Variants in ITGB2 observed in about 807,000 individuals in gnomAD.
ITGB2 encodes integrin subunit beta 2.
ITGB2 carries 56 observed loss-of-function variants against 86.8 expected under a neutral mutation model. The observed-to-expected ratio is 0.65, with a 90% CI of 0.52 to 0.81. ITGB2 has a LOEUF of 0.81. Ranked by LOEUF, ITGB2 falls within the 30% of genes least tolerant of loss-of-function variation. The pLI is 0.00. For synonymous variants in ITGB2, 457 were observed against 450.4 expected (o/e 1.01, Z -0.19); for missense variants, 948 against 1,061.2 (o/e 0.89, Z 1.48).
intron 4 of ITGB2, among the ~76,000 whole-genome samples, chr21:44,904,456 C>T (rs935113916): frequency 3.3e-5 from 5 of 151,800 alleles, no homozygotes; most frequent in African/African-American, 7.3e-5. Context: ...CACATATACA[C>T]GCACATGGCA....
chr21:44,913,851 GCT>G (rs1336691230), intron 1 of ITGB2, among the ~76,000 whole-genome samples: 1 of 152,206 alleles, frequency 6.6e-6, no homozygotes, highest in Non-Finnish European at 1.5e-5. Flanking sequence ...GCCTGTGCCA[GCT>G]CCCTGGGGGA....
chr21:44,886,928 C>T (rs1358932544), intron 14 of ITGB2, 26 bp from the exon 15 acceptor site: 7 of 1,609,756 alleles, frequency 4.3e-6, no homozygotes, highest in Non-Finnish European at 4.2e-6. Context: ...CACACCTGAG[C>T]GTCAGTCCAG....
At chr21:44,886,639 G>A in intron 15 of ITGB2, 97 bp downstream of exon 15, 1 of 1,551,712 alleles carries the variant, frequency 6.4e-7, no homozygotes, top group East Asian at 2.2e-5. Context: ...CCGGGGTGCA[G>A]CCACACACGG....
At chr21:44,921,258 G>A (rs1318901113), upstream of ITGB2, 3 of 152,280 alleles carry the variant, frequency 2.0e-5, no homozygotes, top group African/African-American at 7.2e-5. Context: ...AGAGCGGAAT[G>A]AAAAACCCTG....
intron 9 of ITGB2, chr21:44,894,101 G>A (rs1489043042): frequency 4.5e-6 from 1 of 219,968 alleles, no homozygotes; most frequent in African/African-American, 2.3e-5. Flanking sequence ...TCGGGTGAAT[G>A]GCCAGGGCAG....
At position 44,890,177 on chromosome 21, in the gene ITGB2, C is replaced by T. The variant is rs1295533928; in HGVS notation, c.1458G>A (p.Gln486=). Reference sequence around the variant, plus strand: ...CTTCCAGCTCCTGGCTGCTCCGGCCCTGTGTCTGGCACTCACAGTTTTTCC... The same window carrying T: ...CTTCCAGCTCCTGGCTGCTCCGGCCTTGTGTCTGGCACTCACAGTTTTTCC... ...YIGKNCECQT[Q]GRSSQELEGS... is the part of the protein sequence containing the mutation. The change falls in exon 12 of 16, where the codon CAG becomes CAA. Residue 486 remains glutamine (Q), a synonymous_variant. Transcript: ENST00000652462. 6 of 1,613,330 alleles carry T rather than the reference C, an allele frequency of 3.7e-6. No homozygotes were observed. The highest frequency in any genetic ancestry group is 4.2e-6 in the Non-Finnish European group (5 of 1,180,022).
chr21:44,892,640 A>G (rs1341869045), intron 10 of ITGB2, among the ~76,000 whole-genome samples: 1 of 150,210 alleles, frequency 6.7e-6, no homozygotes, highest in African/African-American at 2.4e-5. Flanking sequence ...CACAGGCAAC[A>G]TTTACCAAGA....
intron 11 of ITGB2, among the ~76,000 whole-genome samples, chr21:44,890,699 G>A (rs1361910845): frequency 2.0e-5 from 3 of 152,188 alleles, no homozygotes; most frequent in Non-Finnish European, 2.9e-5. Context: ...GTGGAAGCTG[G>A]CATCAAGCCG....
rs180882613 is a variant in ITGB2 at position 44,901,382 on chromosome 21, G to T, written c.741+110C>A. ...CTGCTCTCCCCAGGCCCAGGCTGGA[G>T]TCCCTCAGACGACCTGCCGGCCAGG... On this transcript the variant is annotated intron_variant, in intron 6 of 15. Coordinates refer to ENST00000652462, the MANE Select transcript of ITGB2 (RefSeq NM_000211.5). 2.6e-3 allele frequency: 3,604 copies of T among 1,379,806 alleles called. 13 individuals are homozygous for T. Among genetic ancestry groups the T allele is most frequent in the Middle Eastern group, 0.013 (52 of 4,038 alleles). 85.5% of individuals were successfully genotyped at this position (1,379,806 alleles called of 1,614,324 possible).
chr21:44,886,970 C>T (rs1275723839), intron 14 of ITGB2, 68 bp from the exon 15 acceptor site: 8 of 1,583,278 alleles, frequency 5.1e-6, no homozygotes, highest in Non-Finnish European at 5.2e-6. Context: ...GCCCACAGGT[C>T]CGAGGTCACC....
chr21:44,893,097 A>C (rs1046869435), intron 10 of ITGB2: 11 of 365,646 alleles, frequency 3.0e-5, no homozygotes, highest in African/African-American at 1.5e-4. Flanking sequence ...CTCACTGAGA[A>C]GCACCCTCTC....
In ITGB2 at chr21:44,896,462, T is replaced by C. The variant is rs371713281; in HGVS notation, c.994-1402A>G. ...GCTTCTTTCATGGAAGATTGCGGCA[T>C]CATTTCACCTTCCAGGAACACGGAG... On this transcript the variant is annotated intron_variant, in intron 8 of 15. Coordinates refer to ENST00000652462, the MANE Select transcript of ITGB2 (RefSeq NM_000211.5). Among the ~76,000 whole-genome samples, 106 of 152,336 alleles carry C rather than the reference T, an allele frequency of 7.0e-4. No homozygotes were observed. The South Asian group carries it at 0.011, about 15-fold the overall frequency.
Position 44,895,046 on chromosome 21 carries a change from G to A in ITGB2, c.1008C>T (p.Ile336=), listed in dbSNP as rs1275195320. The change falls in exon 9 of 16, where the codon ATC becomes ATT. Residue 336 remains isoleucine, a synonymous_variant. Coordinates refer to ENST00000652462, the MANE Select transcript of ITGB2 (RefSeq NM_000211.5). ...MVKTYEKLTE[I]IPKSAVGELS... is the part of the protein sequence containing the mutation. Reference sequence around the variant, plus strand: ...GCTCCCCCACGGCTGACTTGGGGATGATCTCGGTGAGTTTCTGTTGGGCAA... The same window carrying A: ...GCTCCCCCACGGCTGACTTGGGGATAATCTCGGTGAGTTTCTGTTGGGCAA... 1 of 1,613,214 alleles carries A rather than the reference G, an allele frequency of 6.2e-7. No individual in the cohort carries two copies. Among genetic ancestry groups the A allele is most frequent in the Non-Finnish European group, 8.5e-7 (1 of 1,179,544 alleles).
intron 4 of ITGB2, 34 bp downstream of exon 4, chr21:44,906,880 AC>A (rs777957442): frequency 1.9e-6 from 3 of 1,608,558 alleles, no homozygotes; most frequent in Non-Finnish European, 2.6e-6. Context: ...ACCAGCACAG[AC>A]GGTGCCTGGC....
At chr21:44,917,501 G>C (rs2084229013) in intron 1 of ITGB2, among the ~76,000 whole-genome samples, 1 of 152,188 alleles carries the variant, frequency 6.6e-6, no homozygotes, top group African/African-American at 2.4e-5. Context: ...GGATTCCAAA[G>C]CTACTGGCTT....
chr21:44,901,433 C>G, intron 6 of ITGB2, 59 bp downstream of exon 6: 1 of 1,592,692 alleles, frequency 6.3e-7, no homozygotes, highest in African/African-American at 1.3e-5. Context: ...CACACAGCGC[C>G]TGACAGAGCC....
upstream of ITGB2, chr21:44,922,819 T>C (rs2084325781): frequency 6.6e-6 from 1 of 152,214 alleles, no homozygotes; most frequent in Admixed American, 6.5e-5. Flanking sequence ...TTTCTTGTTT[T>C]AAATCAACAA....
intron 1 of ITGB2, chr21:44,910,987 G>A: frequency 1.6e-6 from 1 of 606,632 alleles, no homozygotes; most frequent in Non-Finnish European, 2.9e-6. Flanking sequence ...GCTCAGCAGT[G>A]CGGGCAGCAC....
At chr21:44,910,141 A>AGGGGAGGGTGAGGCCAGGGTCT in intron 3 of ITGB2, 143 bp downstream of exon 3, 1 of 1,010,450 alleles carries the variant, frequency 9.9e-7, no homozygotes. Context: ...GGGCCCCTTG[A>AGGGGAGGGTGAGGCCAGGGTCT]GGGGAGGGTG....
Sources: allele counts gnomAD v4.1 joint callset (sites outside exome capture counted in the v4.1 genomes callset), GRCh38; gene constraint gnomAD v4.1.1; transcripts MANE v1.5; gene names NCBI Gene and HGNC (gene_info 2026-07-23, HGNC 2026-07-21).